The following SFXN1 variants were observed in gnomAD, a reference collection of about 807,000 sequenced individuals.
SFXN1 encodes sideroflexin 1.
A neutral mutation model predicts 39.5 loss-of-function variants in SFXN1; 32 were observed. That is an observed-to-expected ratio of 0.81 (90% confidence interval 0.61 to 1.09). SFXN1 has a LOEUF of 1.09. Among genes scored for constraint, SFXN1 ranks in the 50% least tolerant of loss-of-function variants. The pLI is 0.00. For missense variants in SFXN1, 402 were observed against 407.1 expected, an observed-to-expected ratio of 0.99 and a Z score of 0.11; for synonymous variants, 136 against 146.5, an observed-to-expected ratio of 0.93 and a Z score of 0.52.
rs1189229458 is a variant in SFXN1, at chr5:175,500,179, C to T, written c.164+7912C>T. On this transcript the variant is annotated intron_variant, in intron 2 of 10. Coordinates refer to ENST00000321442, the MANE Select transcript of SFXN1 (RefSeq NM_022754.7). The stretch of plus-strand genomic sequence containing the variant: ...CTCCAGCCTGGGTGACAAGAGAAAA[C>T]TCTGTCTCAAAAAAAAGAATTTACA... 5.3e-5 allele frequency among the ~76,000 whole-genome samples: 8 copies of T among 151,982 alleles called. No homozygotes were observed. The South Asian group carries it at 1.7e-3, about 32-fold the overall frequency.
At chr5:175,520,085 G>A (rs1470625074) in intron 8 of SFXN1, among the ~76,000 whole-genome samples, 2 of 151,646 alleles carry the variant, frequency 1.3e-5, no homozygotes, top group Non-Finnish European at 2.9e-5. Context: ...AGCCAGGATG[G>A]TCTTGATCTC....
intron 2 of SFXN1, among the ~76,000 whole-genome samples, chr5:175,493,248 A>T (rs55744581): frequency 0.013 from 2,024 of 152,042 alleles, 41 homozygotes; most frequent in African/African-American, 0.046. Flanking sequence ...CGACAGAGCG[A>T]AACTCCATCT....
chr5:175,511,644 C>G, intron 5 of SFXN1, 118 bp downstream of exon 5: 1 of 809,470 alleles, frequency 1.2e-6, no homozygotes, highest in South Asian at 1.6e-5. Flanking sequence ...TGTTATAGTG[C>G]TTATCTTCAG....
chr5:175,482,893 G>T (rs1291619598), intron 1 of SFXN1, among the ~76,000 whole-genome samples: 1 of 152,142 alleles, frequency 6.6e-6, no homozygotes. Context: ...ACAGGGCGGG[G>T]GGCCTCCATC....
chr5:175,495,931 G>A (rs1359327482), intron 2 of SFXN1, among the ~76,000 whole-genome samples: 6 of 143,584 alleles, frequency 4.2e-5, no homozygotes, highest in South Asian at 2.2e-4. Context: ...ACGGAGTTTC[G>A]CTCTTGTTGC....
intron 1 of SFXN1, chr5:175,491,888 A>G: frequency 2.2e-6 from 1 of 454,736 alleles, no homozygotes; most frequent in Non-Finnish European, 3.9e-6. Context: ...GTAGGAAACT[A>G]TTGAAATTTA....
intron 2 of SFXN1, among the ~76,000 whole-genome samples, chr5:175,502,123 T>C (rs916964242): frequency 6.6e-6 from 1 of 152,168 alleles, no homozygotes; most frequent in African/African-American, 2.4e-5. Context: ...GCCAGATTAC[T>C]GGTCTGGATG....
At position 175,526,916 on chromosome 5, in the gene SFXN1, T is replaced by TA; in HGVS notation, c.*183dup. ...CACCTGGCGTGGGCCAAGTGCCTGA[T>TA]ACTCCCTTACACTGAATCATGTTAT... On this transcript the variant is annotated 3_prime_UTR_variant, in exon 11 of 11. Transcript: ENST00000321442. 1.6e-6 allele frequency: 1 copy of TA among 609,116 alleles called. No homozygotes were observed. Among genetic ancestry groups the TA allele is most frequent in the Non-Finnish European group, 2.9e-6 (1 of 341,866 alleles). 37.7% of individuals were successfully genotyped at this position (609,116 alleles called of 1,614,324 possible).
chr5:175,486,529 G>C (rs1306905243), intron 1 of SFXN1, among the ~76,000 whole-genome samples: 1 of 152,188 alleles, frequency 6.6e-6, no homozygotes, highest in African/African-American at 2.4e-5. Context: ...TTGGAGGCCA[G>C]GGTGGGCAGA....
intron 1 of SFXN1, among the ~76,000 whole-genome samples, chr5:175,481,165 A>G (rs188982052): frequency 3.3e-4 from 51 of 152,362 alleles, no homozygotes; most frequent in African/African-American, 1.2e-3. Context: ...GCAGGCTGAT[A>G]TCACCATCTC....
intron 2 of SFXN1, among the ~76,000 whole-genome samples, chr5:175,506,389 T>G (rs904541882): frequency 5.9e-5 from 9 of 152,134 alleles, no homozygotes; most frequent in African/African-American, 2.2e-4. Flanking sequence ...GGTAATTTTT[T>G]AAAAAAAGAC....
chr5:175,506,088 G>C (rs1826789), intron 2 of SFXN1, among the ~76,000 whole-genome samples: 38,520 of 152,158 alleles, frequency 0.25, 6,819 homozygotes, highest in African/African-American at 0.5. Context: ...AAAGTGCTGG[G>C]ATTACAGGCG....
At chr5:175,487,536 C>T (rs1011733694) in intron 1 of SFXN1, among the ~76,000 whole-genome samples, 1 of 152,180 alleles carries the variant, frequency 6.6e-6, no homozygotes, top group Non-Finnish European at 1.5e-5. Flanking sequence ...GTTTTGCACC[C>T]ACCAGTCACT....
chr5:175,509,747 T>C (rs951379659), intron 3 of SFXN1, among the ~76,000 whole-genome samples: 3 of 152,176 alleles, frequency 2.0e-5, no homozygotes, highest in Non-Finnish European at 4.4e-5. Context: ...CATATAGCAT[T>C]GCAAGTGCTG....
intron 2 of SFXN1, among the ~76,000 whole-genome samples, chr5:175,501,992 G>T (rs1329560305): frequency 6.6e-6 from 1 of 152,164 alleles, no homozygotes; most frequent in Non-Finnish European, 1.5e-5. Flanking sequence ...AGAAAATTTG[G>T]TGGCTAGGGG....
intron 2 of SFXN1, among the ~76,000 whole-genome samples, chr5:175,493,462 C>T (rs549443665): frequency 2.0e-5 from 3 of 152,284 alleles, no homozygotes; most frequent in Admixed American, 6.5e-5. Flanking sequence ...GAACCGACGA[C>T]AGTCAATAAA....
chr5:175,487,166 G>T (rs1366723751), intron 1 of SFXN1, among the ~76,000 whole-genome samples: 1 of 152,182 alleles, frequency 6.6e-6, no homozygotes, highest in African/African-American at 2.4e-5. Flanking sequence ...CCAGCATGAA[G>T]TCCACACCCA....
intron 2 of SFXN1, among the ~76,000 whole-genome samples, chr5:175,493,192 G>A (rs553971351): frequency 6.6e-6 from 1 of 152,210 alleles, no homozygotes; most frequent in Admixed American, 6.5e-5. Flanking sequence ...GGCAGAGCCG[G>A]CAGTGAGCCA....
At chr5:175,490,634 A>G (rs1179104362) in intron 1 of SFXN1, among the ~76,000 whole-genome samples, 1 of 152,230 alleles carries the variant, frequency 6.6e-6, no homozygotes, top group Non-Finnish European at 1.5e-5. Flanking sequence ...TAAGTAAGCC[A>G]TGGTTTGAAG....
Sources: gnomAD v4.1 joint callset for allele counts (sites outside exome capture counted in the v4.1 genomes callset) on GRCh38, gnomAD v4.1.1 for gene constraint, MANE v1.5 for transcripts, NCBI Gene and HGNC (gene_info 2026-07-23, HGNC 2026-07-21) for gene names.